GLRB: variants seen among roughly 807,000 people sequenced by gnomAD.
GLRB encodes the protein glycine receptor subunit beta.
Under a neutral mutation model 54.2 loss-of-function variants are expected in GLRB, and 33 were observed. The observed-to-expected ratio is 0.61, with a 90% CI of 0.46 to 0.81. The LOEUF is 0.81. Ranked by LOEUF, GLRB falls within the 40% of genes least tolerant of loss-of-function variation. The pLI is 0.00. For missense variants in GLRB, 572 were observed against 584.6 expected (o/e 0.98, Z 0.22); for synonymous variants, 209 against 208.2 (o/e 1.00, Z -0.03).
At position 157,170,341 on chromosome 4, in the gene GLRB, A is replaced by G; in HGVS notation, c.1198-91A>G. The G allele has an allele frequency of 5.3e-6, 4 of 756,428 alleles. 1 individual carries two copies. The highest frequency in any genetic ancestry group is 4.9e-5 in the South Asian group (3 of 61,528). 46.9% of individuals were successfully genotyped at this position (756,428 alleles called of 1,614,324 possible). On this transcript the variant is annotated intron_variant, in intron 9 of 9. Transcript: ENST00000264428. ...TGTGACATAAGCAAATGCTTCTTGT[A>G]GAAACTAGCAATTTTAAAAATATCG...
intron 2 of GLRB, among the ~76,000 whole-genome samples, chr4:157,118,890 CA>C (rs1029165360): frequency 9.2e-5 from 14 of 151,624 alleles, no homozygotes; most frequent in African/African-American, 3.4e-4. Flanking sequence ...CTAGGTGCTT[CA>C]AGTAGAGTTT....
intron 8 of GLRB, among the ~76,000 whole-genome samples, chr4:157,151,541 A>C (rs1737022216): frequency 6.6e-6 from 1 of 152,088 alleles, no homozygotes; most frequent in Non-Finnish European, 1.5e-5. Context: ...TATATTGAAT[A>C]TTGTTTTCAT....
At chr4:157,139,061 G>T in intron 7 of GLRB, 112 bp downstream of exon 7, 1 of 630,930 alleles carries the variant, frequency 1.6e-6, no homozygotes, top group South Asian at 2.0e-5. Flanking sequence ...AATTAAATTA[G>T]CAAATAGTTT....
At chr4:157,098,580 A>C (rs1579195879) in intron 2 of GLRB, among the ~76,000 whole-genome samples, 2 of 151,924 alleles carry the variant, frequency 1.3e-5, no homozygotes, top group East Asian at 1.9e-4. Context: ...AAGGATGATA[A>C]TCCTAGAAAA....
At position 157,078,090 on chromosome 4, in the gene GLRB, T is replaced by C. The variant is rs1169633348; in HGVS notation, c.66T>C (p.Ser22=). ...CCTTGTGGGTGGAAGAAGCCTATTCTAAGGAAAAGTCTTCAAAGAAAGGGA... is the reference window on the plus strand; with the variant it reads ...CCTTGTGGGTGGAAGAAGCCTATTCCAAGGAAAAGTCTTCAAAGAAAGGGA... ...LISLWVEEAY[S]KEKSSKKGKG... is the part of the protein sequence containing the mutation. Residue 22 remains serine (S), a synonymous_variant, in exon 2 of 10, where the codon TCT becomes TCC. Transcript: ENST00000264428. 2 of 1,610,220 alleles carry C rather than the reference T, an allele frequency of 1.2e-6. No individual in the cohort carries two copies. The highest frequency in any genetic ancestry group is 1.7e-6 in the Non-Finnish European group (2 of 1,176,766).
chr4:157,109,271 T>C (rs1735334300), intron 2 of GLRB, among the ~76,000 whole-genome samples: 1 of 152,070 alleles, frequency 6.6e-6, no homozygotes, highest in Non-Finnish European at 1.5e-5. Context: ...GTTTTATCTT[T>C]TTGGGGGCTT....
chr4:157,110,683 T>TAAAG (rs1560947865), intron 2 of GLRB, among the ~76,000 whole-genome samples: 2 of 152,076 alleles, frequency 1.3e-5, no homozygotes, highest in East Asian at 3.9e-4. Flanking sequence ...CCTGTTTCTT[T>TAAAG]ATTTTTCTTG....
Position 157,097,326 on chromosome 4 carries a change from C to T in GLRB, c.122+19180C>T, listed in dbSNP as rs79569786. Among the ~76,000 whole-genome samples the T allele has an allele frequency of 7.8e-3, 1,193 of 152,148 alleles. 23 individuals carry two copies. The East Asian group carries it at 0.1, about 13-fold the overall frequency. On this transcript the variant is annotated intron_variant, in intron 2 of 9. Transcript: ENST00000264428. ...GGTTATCACACAAAGTGTTAGATGC[C>T]ACTCTATGTTCGTTACTTTTATCGC...
At chr4:157,080,959 A>T (rs1734200912) in intron 2 of GLRB, among the ~76,000 whole-genome samples, 1 of 152,120 alleles carries the variant, frequency 6.6e-6, no homozygotes, top group Non-Finnish European at 1.5e-5. Context: ...GAAATAAAGG[A>T]CTTGAGTTCC....
chr4:157,120,733 A>G (rs1445998887), intron 3 of GLRB, 71 bp downstream of exon 3: 1 of 736,186 alleles, frequency 1.4e-6, no homozygotes, highest in South Asian at 1.5e-5. Context: ...GAGATTTGTG[A>G]TATTTTATAT....
chr4:157,077,582 A>G (rs907008336), intron 1 of GLRB, among the ~76,000 whole-genome samples: 3 of 152,096 alleles, frequency 2.0e-5, no homozygotes, highest in African/African-American at 7.2e-5. Flanking sequence ...AGAAAAAGAT[A>G]CTTCCAAAGT....
intron 8 of GLRB, among the ~76,000 whole-genome samples, chr4:157,151,596 G>C (rs1171121085): frequency 2.0e-5 from 3 of 152,024 alleles, no homozygotes; most frequent in Non-Finnish European, 4.4e-5. Context: ...CTAATAGAGA[G>C]TATCTTAGGT....
intron 9 of GLRB, among the ~76,000 whole-genome samples, chr4:157,162,284 CT>C (rs1737529199): frequency 6.6e-6 from 1 of 152,160 alleles, no homozygotes; most frequent in Admixed American, 6.5e-5. Flanking sequence ...GAACATCCTC[CT>C]TTAGCTCAGA....
At chr4:157,140,263 A>T (rs895518016) in intron 7 of GLRB, among the ~76,000 whole-genome samples, 1 of 152,006 alleles carries the variant, frequency 6.6e-6, no homozygotes, top group African/African-American at 2.4e-5. Flanking sequence ...AAGATATGGA[A>T]GTGATCTAAT....
chr4:157,136,357 A>T (rs898569552), intron 4 of GLRB, 112 bp from the exon 5 acceptor site: 7 of 700,668 alleles, frequency 1.0e-5, no homozygotes, highest in Non-Finnish European at 1.8e-5. Context: ...ATGTTGGAAG[A>T]ACAAAAATAT....
At chr4:157,079,498 T>C (rs921415827) in intron 2 of GLRB, among the ~76,000 whole-genome samples, 5 of 152,198 alleles carry the variant, frequency 3.3e-5, no homozygotes, top group African/African-American at 1.2e-4. Flanking sequence ...TTCAGCTCCA[T>C]GTGAAGGGAT....
At chr4:157,156,987 G>T (rs746188846) in intron 9 of GLRB, among the ~76,000 whole-genome samples, 1 of 152,148 alleles carries the variant, frequency 6.6e-6, no homozygotes, top group Non-Finnish European at 1.5e-5. Context: ...TCCAAGCGGA[G>T]GTACAAGTCC....
intron 2 of GLRB, among the ~76,000 whole-genome samples, chr4:157,120,032 A>G (rs1305049965): frequency 1.3e-5 from 2 of 151,776 alleles, no homozygotes; most frequent in Non-Finnish European, 2.9e-5. Flanking sequence ...GCACATATAC[A>G]CCATGGAATG....
At chr4:157,150,961 TTC>T (rs1451314216) in intron 8 of GLRB, among the ~76,000 whole-genome samples, 1 of 152,080 alleles carries the variant, frequency 6.6e-6, no homozygotes, top group Admixed American at 6.6e-5. Context: ...ATAATGTAAT[TTC>T]TCTTTCCTTA....
Sources: allele counts gnomAD v4.1 joint callset (sites outside exome capture counted in the v4.1 genomes callset), GRCh38; gene constraint gnomAD v4.1.1; transcripts MANE v1.5; gene names NCBI Gene and HGNC (gene_info 2026-07-23, HGNC 2026-07-21).